OTOF: variants seen among roughly 807,000 people sequenced by gnomAD.
OTOF encodes fer-1-like family member 2.
Under a neutral mutation model 236.8 loss-of-function variants are expected in OTOF, and 218 were observed. The observed-to-expected ratio is 0.92, with a 90% CI of 0.82 to 1.03. The LOEUF (loss-of-function observed/expected upper bound fraction) is 1.03. OTOF is among the 50% of genes least tolerant of loss of function. The pLI is 0.00. For missense variants in OTOF, 2,590 were observed against 2,694.4 expected (o/e 0.96, Z 0.86); for synonymous variants, 1,041 against 1,072.5 (o/e 0.97, Z 0.57).
At chr2:26,499,423 T>C (rs1292342107) in intron 8 of OTOF, among the ~76,000 whole-genome samples, 2 of 152,200 alleles carry the variant, frequency 1.3e-5, no homozygotes, top group Admixed American at 6.5e-5. Context: ...GTGTCCTTCC[T>C]GCGGTCTTTA....
rs138545671 is a variant in OTOF at position 26,477,677 on chromosome 2, C to A, written c.2287G>T (p.Val763Phe). 6.8e-5 allele frequency: 110 copies of A among 1,612,460 alleles called. No individual in the cohort carries two copies. Among genetic ancestry groups the A allele is most frequent in the Non-Finnish European group, 9.2e-5 (109 of 1,179,986 alleles). ...CAGCCACAGCTCAGCTCCTCCAGGA[C>A]GCCCCGCAGGCGACGCTCAGGGTAG... ...KSYPERRLRG[V>F]LEELSCGCCR... Residue 763 changes from valine to phenylalanine, a missense_variant, in exon 19 of 47, where the codon GTC (valine) becomes TTC (phenylalanine). Around this residue, in one of 2 missense-constraint regions of OTOF, gnomAD observed 1,379 missense variants for 1,341.6 expected, o/e 1.03. Coordinates refer to ENST00000272371, the MANE Select transcript of OTOF (RefSeq NM_194248.3). This position sits in a 1 kb window ranked among gnomAD's most constrained non-coding sequence, Gnocchi z 4.7.
At chr2:26,519,921 G>A (rs1002238241) in intron 3 of OTOF, among the ~76,000 whole-genome samples, 2 of 152,202 alleles carry the variant, frequency 1.3e-5, no homozygotes, top group South Asian at 2.1e-4. Context: ...CCTCTAAACT[G>A]TGAACCTCTC....
chr2:26,519,938 A>G (rs1321460130), intron 3 of OTOF, among the ~76,000 whole-genome samples: 2 of 152,214 alleles, frequency 1.3e-5, no homozygotes, highest in Admixed American at 6.5e-5. Context: ...TCTCAAGGGC[A>G]TGGGTGGTGC....
At chr2:26,510,522 C>T (rs972894555) in intron 5 of OTOF, among the ~76,000 whole-genome samples, 2 of 152,070 alleles carry the variant, frequency 1.3e-5, no homozygotes, top group Non-Finnish European at 2.9e-5. Context: ...CCCTCCTCAT[C>T]CCTCACCCCC....
intron 16 of OTOF, 30 bp downstream of exon 16, chr2:26,480,173 G>A: frequency 7.4e-7 from 1 of 1,353,664 alleles, no homozygotes; most frequent in Non-Finnish European, 1.1e-6. Context: ...ACTCACCTAG[G>A]CCCGAAGCCC....
rs745568486 is a variant in OTOF, at chr2:26,464,962, C to T, written c.4867G>A (p.Gly1623Ser). ...SQILTRLCKD[G>S]KVDGPHFGPP... ...CCAAAGTGGGGGCCGTCCACTTTGC[C>T]GTCTTTGCAGAGGCGGGTCAGGATC... Residue 1623 changes from glycine to serine, a missense_variant, in exon 39 of 47, where the codon GGC becomes AGC. By Grantham distance (56) the Gly-to-Ser change is moderately conservative (BLOSUM62 0). Around this residue, in one of 2 missense-constraint regions of OTOF, gnomAD observed 1,211 missense variants for 1,352.8 expected, o/e 0.90. Coordinates refer to ENST00000272371, the MANE Select transcript of OTOF (RefSeq NM_194248.3). The T allele has an allele frequency of 6.4e-6, 10 of 1,561,202 alleles. No individual in the cohort carries two copies. The highest frequency in any genetic ancestry group is 4.2e-5 in the African/African-American group (3 of 72,234).
In OTOF at chr2:26,521,991, C is replaced by T. The variant is rs546454830; in HGVS notation, c.228-2882G>A. On this transcript the variant is annotated intron_variant, in intron 3 of 46. Coordinates refer to ENST00000272371, the MANE Select transcript of OTOF (RefSeq NM_194248.3). ...GGCCATCTGGAGAGCCTACACAGGGCGAGTCTCCTTTGCAGGATGGGCTTC... is the reference window on the plus strand; with the variant it reads ...GGCCATCTGGAGAGCCTACACAGGGTGAGTCTCCTTTGCAGGATGGGCTTC... Among the ~76,000 whole-genome samples the T allele has an allele frequency of 7.2e-5, 11 of 152,300 alleles. No homozygotes were observed. In the South Asian group the frequency reaches 1.7e-3, roughly 23 times the overall value.
intron 2 of OTOF, among the ~76,000 whole-genome samples, chr2:26,536,313 T>C (rs1036592202): frequency 4.6e-5 from 7 of 152,112 alleles, no homozygotes; most frequent in Non-Finnish European, 7.4e-5. Context: ...GTTTAGAAAC[T>C]GAGGTCATTG....
Position 26,461,942 on chromosome 2 carries a change from G to A in OTOF, c.5292-5C>T. On this transcript the variant is annotated splice_polypyrimidine_tract_variant and splice_region_variant and intron_variant, in intron 42 of 46. Transcript: ENST00000272371. The surrounding 1 kb of genome is among the most constrained non-coding windows in gnomAD (Gnocchi z 6.2). ...TCCTGCTGGCCCTTCAGCCACCTGT[G>A]GGCGCCACATCTCCAGACCCGCAGC... 1.2e-6 allele frequency: 2 copies of A among 1,614,014 alleles called. No individual in the cohort carries two copies. Among genetic ancestry groups the A allele is most frequent in the South Asian group, 2.2e-5 (2 of 91,082 alleles).
chr2:26,467,033 G>T (rs928464061), intron 35 of OTOF, 66 bp downstream of exon 35: 2 of 1,587,096 alleles, frequency 1.3e-6, no homozygotes, highest in East Asian at 4.5e-5. Context: ...GGAGGTGAGT[G>T]GGGGAACCTG....
intron 1 of OTOF, among the ~76,000 whole-genome samples, chr2:26,542,626 C>G (rs1667235615): frequency 6.6e-6 from 1 of 152,124 alleles, no homozygotes; most frequent in African/African-American, 2.4e-5. Context: ...GAGGGAAATC[C>G]AGGCAGAGAG....
chr2:26,528,764 C>G (rs530784261), intron 2 of OTOF, among the ~76,000 whole-genome samples: 177 of 152,340 alleles, frequency 1.2e-3, no homozygotes, highest in African/African-American at 3.9e-3. Flanking sequence ...ACCCAGCCCA[C>G]CTTCCTGGGA....
At chr2:26,499,999 T>C (rs1018928635) in intron 8 of OTOF, among the ~76,000 whole-genome samples, 2 of 152,218 alleles carry the variant, frequency 1.3e-5, no homozygotes, top group African/African-American at 4.8e-5. Context: ...GTCCAGTTAA[T>C]AAAAGTCTCT....
chr2:26,483,578 C>G lies in OTOF; in HGVS notation c.1276G>C (p.Ala426Pro), dbSNP rs1665622198. 6.2e-7 allele frequency: 1 copy of G among 1,613,904 alleles called. No homozygotes were observed. The highest frequency in any genetic ancestry group is 8.5e-7 in the Non-Finnish European group (1 of 1,180,032). ...WARFYVKIYR[A>P]EGLPRMNTSL... ...GTGTTCATACGGGGCAGCCCCTCTGCTCGGTAAATTTTCACATAGAACCGG... is the reference window on the plus strand; with the variant it reads ...GTGTTCATACGGGGCAGCCCCTCTGGTCGGTAAATTTTCACATAGAACCGG... The change falls in exon 13 of 47, where the codon GCA (alanine) becomes CCA (proline). Residue 426 changes from alanine (A) to proline (P), a missense_variant. Ala to Pro is a conservative substitution (Grantham distance 27). This residue lies in a region of OTOF where 1,379 missense variants were observed against 1,341.6 expected (regional missense o/e 1.03). Coordinates refer to ENST00000272371, the MANE Select transcript of OTOF (RefSeq NM_194248.3).
intron 3 of OTOF, among the ~76,000 whole-genome samples, chr2:26,521,642 G>A (rs1242097777): frequency 6.6e-6 from 1 of 152,204 alleles, no homozygotes; most frequent in Non-Finnish European, 1.5e-5. Flanking sequence ...CACACAGTGT[G>A]CTGAGCAAGA....
chr2:26,467,104 A>T lies in OTOF; in HGVS notation c.4357T>A (p.Phe1453Ile), dbSNP rs1664766674. Residue 1453 changes from phenylalanine to isoleucine, a missense_variant, in exon 35 of 47, where the codon TTC (phenylalanine) becomes ATC (isoleucine). This residue lies in a region of OTOF where 1,211 missense variants were observed against 1,352.8 expected (regional missense o/e 0.90). Coordinates refer to ENST00000272371, the MANE Select transcript of OTOF (RefSeq NM_194248.3). ...GCCCGTGCTCCTGGCCTGACCTTGAAGCGTCCCACAATGCGCTCCTCCTCG... is the reference window on the plus strand; with the variant it reads ...GCCCGTGCTCCTGGCCTGACCTTGATGCGTCCCACAATGCGCTCCTCCTCG... The part of the protein sequence containing the change: ...STEEERIVGR[F>I]KGSLCVYKVP... 2 of 1,613,348 alleles carry T rather than the reference A, an allele frequency of 1.2e-6. No homozygotes were observed. Among genetic ancestry groups the T allele is most frequent in the Non-Finnish European group, 1.7e-6 (2 of 1,179,972 alleles).
At chr2:26,537,642 G>C in intron 2 of OTOF, 74 bp downstream of exon 2, 1 of 1,170,618 alleles carries the variant, frequency 8.5e-7, no homozygotes, top group Non-Finnish European at 1.2e-6. Flanking sequence ...GTGTGTGCCC[G>C]CAAGAGGCAG....
chr2:26,535,995 G>A (rs191119201), intron 2 of OTOF, among the ~76,000 whole-genome samples: 135 of 152,350 alleles, frequency 8.9e-4, no homozygotes, highest in African/African-American at 3.1e-3. Flanking sequence ...TATCCCCTGG[G>A]AGTCTTGGGA....
chr2:26,483,830 T>A (rs903720193), intron 12 of OTOF, among the ~76,000 whole-genome samples, 182 bp from the exon 13 acceptor site: 1 of 152,210 alleles, frequency 6.6e-6, no homozygotes, highest in Non-Finnish European at 1.5e-5. Flanking sequence ...AATCTTCCCA[T>A]CTCACTGAGC....
Sources: allele counts gnomAD v4.1 joint callset (sites outside exome capture counted in the v4.1 genomes callset), GRCh38; gene constraint gnomAD v4.1.1; regional missense constraint gnomAD v4.1.1; non-coding constraint Gnocchi (gnomAD v3.1); transcripts MANE v1.5; gene names NCBI Gene and HGNC (gene_info 2026-07-23, HGNC 2026-07-21).